MECOM: variants seen among roughly 807,000 people sequenced by gnomAD.
MECOM encodes histone-lysine N-methyltransferase MECOM.
Under a neutral mutation model 116.3 loss-of-function variants are expected in MECOM, and 13 were observed. The observed-to-expected ratio is 0.11, with a 90% CI of 0.07 to 0.18. MECOM has a LOEUF of 0.18. MECOM is among the 10% of genes least tolerant of loss of function. The pLI, the probability that MECOM is intolerant of heterozygous loss-of-function variation, is 1.00. For synonymous variants in MECOM, 528 were observed against 535.2 expected (o/e 0.99, Z 0.19); for missense variants, 1,299 against 1,509.0 (o/e 0.86, Z 2.31).
chr3:169,208,575 A>T (rs1438611215), intron 2 of MECOM, among the ~76,000 whole-genome samples: 2 of 152,014 alleles, frequency 1.3e-5, no homozygotes, highest in Non-Finnish European at 2.9e-5. Context: ...ATATTTAGGC[A>T]TATTTTATTT....
At chr3:169,216,016 T>C (rs956284110) in intron 2 of MECOM, among the ~76,000 whole-genome samples, 3 of 152,246 alleles carry the variant, frequency 2.0e-5, no homozygotes, top group Admixed American at 2.0e-4. Context: ...CAGAAAATTT[T>C]AGACCTGAAA....
At chr3:169,255,252 C>T (rs1164927283) in intron 2 of MECOM, among the ~76,000 whole-genome samples, 5 of 152,118 alleles carry the variant, frequency 3.3e-5, no homozygotes, top group Admixed American at 3.3e-4. Context: ...CACTAATATA[C>T]CAATTTTGTG....
At chr3:169,607,040 A>G (rs1171703630) in intron 1 of MECOM, among the ~76,000 whole-genome samples, 1 of 152,224 alleles carries the variant, frequency 6.6e-6, no homozygotes, top group African/African-American at 2.4e-5. Flanking sequence ...AGTCTCCGCC[A>G]TTTTAACCTC....
chr3:169,159,210 C>T (rs1742456794), intron 2 of MECOM, among the ~76,000 whole-genome samples: 1 of 152,160 alleles, frequency 6.6e-6, no homozygotes, highest in African/African-American at 2.4e-5. Context: ...GAGTCTGCTT[C>T]TAGTTATGTA....
intron 1 of MECOM, among the ~76,000 whole-genome samples, chr3:169,643,488 C>T (rs1323419944): frequency 2.6e-5 from 4 of 152,188 alleles, no homozygotes; most frequent in African/African-American, 9.7e-5. Flanking sequence ...CCGTATCCCA[C>T]CCTACCACTC....
intron 2 of MECOM, among the ~76,000 whole-genome samples, chr3:169,191,778 G>A (rs571343307): frequency 7.2e-6 from 1 of 138,860 alleles, no homozygotes; most frequent in African/African-American, 2.8e-5. Context: ...AAGAAAGAAA[G>A]AAAGAAAGAA....
intron 1 of MECOM, among the ~76,000 whole-genome samples, chr3:169,621,594 T>G (rs1770740042): frequency 6.6e-6 from 1 of 152,054 alleles, no homozygotes; most frequent in Admixed American, 6.6e-5. Context: ...CCATCTCCAC[T>G]AAAAACACAA....
At chr3:169,470,739 A>G (rs1749088282) in intron 1 of MECOM, among the ~76,000 whole-genome samples, 1 of 152,318 alleles carries the variant, frequency 6.6e-6, no homozygotes, top group South Asian at 2.1e-4. Flanking sequence ...TTGCCAGAGT[A>G]TAAGTTATGA....
chr3:169,548,308 G>A (rs1028467441), intron 1 of MECOM, among the ~76,000 whole-genome samples: 1 of 152,148 alleles, frequency 6.6e-6, no homozygotes, highest in Non-Finnish European at 1.5e-5. Flanking sequence ...CTTAATTCAG[G>A]AAGAACCCAT....
At chr3:169,606,408 CAAAAA>C (rs774934955) in intron 1 of MECOM, among the ~76,000 whole-genome samples, 3 of 110,462 alleles carry the variant, frequency 2.7e-5, no homozygotes, top group East Asian at 2.4e-4. Flanking sequence ...GTCTTCGTCT[CAAAAA>C]AAAAAAAAAA....
At chr3:169,473,940 G>A (rs1749954614) in intron 1 of MECOM, among the ~76,000 whole-genome samples, 1 of 152,092 alleles carries the variant, frequency 6.6e-6, no homozygotes, top group African/African-American at 2.4e-5. Context: ...CTATAGACAG[G>A]TTCTCAGAGA....
chr3:169,099,560 C>T (rs1300242141), intron 12 of MECOM, among the ~76,000 whole-genome samples: 2 of 152,124 alleles, frequency 1.3e-5, no homozygotes, highest in African/African-American at 2.4e-5. Flanking sequence ...CTCTAGCTTT[C>T]TTCTAAGATT....
At chr3:169,602,818 T>A (rs779797022) in intron 1 of MECOM, among the ~76,000 whole-genome samples, 5 of 152,184 alleles carry the variant, frequency 3.3e-5, no homozygotes, top group African/African-American at 4.8e-5. Flanking sequence ...GCTATGAAAG[T>A]AATCCACAAG....
chr3:169,483,831 A>G, intron 1 of MECOM: 1 of 1,611,708 alleles, frequency 6.2e-7, no homozygotes, highest in Non-Finnish European at 8.5e-7. Flanking sequence ...GGAGAAAGGC[A>G]CCTCGGATGT....
chr3:169,448,188 C>G (rs1744970201), intron 1 of MECOM, among the ~76,000 whole-genome samples: 1 of 152,196 alleles, frequency 6.6e-6, no homozygotes. Flanking sequence ...TTGAATTTGT[C>G]TCATGAGCTC....
intron 1 of MECOM, among the ~76,000 whole-genome samples, chr3:169,591,801 G>A (rs1766443137): frequency 6.6e-6 from 1 of 152,066 alleles, no homozygotes; most frequent in Admixed American, 6.6e-5. Context: ...ATGCTCTCCG[G>A]CAACAATATG....
At chr3:169,273,126 T>C (rs1383721427) in intron 2 of MECOM, among the ~76,000 whole-genome samples, 1 of 152,164 alleles carries the variant, frequency 6.6e-6, no homozygotes, top group Non-Finnish European at 1.5e-5. Flanking sequence ...CATGAGTTGG[T>C]CGTATTTCAG....
intron 1 of MECOM, among the ~76,000 whole-genome samples, chr3:169,581,128 G>A (rs1765073979): frequency 6.6e-6 from 1 of 152,180 alleles, no homozygotes; most frequent in African/African-American, 2.4e-5. Flanking sequence ...TGCTCACATA[G>A]TGAACAGGTC....
At chr3:169,377,189 A>G (rs534048280) in intron 2 of MECOM, among the ~76,000 whole-genome samples, 1 of 152,318 alleles carries the variant, frequency 6.6e-6, no homozygotes, top group East Asian at 1.9e-4. Context: ...AAGATGGATT[A>G]AGATTTACAT....
Sources: allele counts gnomAD v4.1 joint callset (sites outside exome capture counted in the v4.1 genomes callset), GRCh38; gene constraint gnomAD v4.1.1; transcripts MANE v1.5; gene names NCBI Gene and HGNC (gene_info 2026-07-23, HGNC 2026-07-21).